The following CTNND2 variants were observed in gnomAD, a reference collection of about 807,000 sequenced individuals.
CTNND2 encodes the protein catenin delta-2.
Under a neutral mutation model 144.4 loss-of-function variants are expected in CTNND2, and 22 were observed. That is an observed-to-expected ratio of 0.15 (90% CI 0.11 to 0.22). The LOEUF is 0.22. Ranked by LOEUF, CTNND2 falls within the 10% of genes least tolerant of loss-of-function variation. The pLI, the probability that CTNND2 is intolerant of heterozygous loss-of-function variation, is 1.00. For missense variants in CTNND2, 1,353 were observed against 1,618.8 expected, an observed-to-expected ratio of 0.84 and a Z score of 2.82; for synonymous variants, 751 against 695.6, an observed-to-expected ratio of 1.08 and a Z score of -1.25.
At chr5:11,866,735 A>T (rs1261038846) in intron 1 of CTNND2, among the ~76,000 whole-genome samples, 1 of 152,250 alleles carries the variant, frequency 6.6e-6, no homozygotes, top group Non-Finnish European at 1.5e-5. Context: ...TTGTCCTAAT[A>T]ACAAACTACA....
At chr5:11,264,577 G>A (rs545211327) in intron 9 of CTNND2, among the ~76,000 whole-genome samples, 14 of 152,312 alleles carry the variant, frequency 9.2e-5, no homozygotes, top group Middle Eastern at 3.4e-3. Flanking sequence ...AGAAGCCGCC[G>A]TTGTAATCAC....
chr5:11,348,437 C>CCA (rs1755009390), intron 8 of CTNND2, among the ~76,000 whole-genome samples: 1 of 114,722 alleles, frequency 8.7e-6, no homozygotes. Flanking sequence ...AAATCAAGGG[C>CCA]AAAAAAAAAA....
At chr5:11,267,425 G>A (rs141180559) in intron 9 of CTNND2, among the ~76,000 whole-genome samples, 107 of 152,264 alleles carry the variant, frequency 7.0e-4, no homozygotes, top group African/African-American at 2.3e-3. Context: ...CCAGGGGAAA[G>A]CCATTTGAGT....
intron 2 of CTNND2, among the ~76,000 whole-genome samples, chr5:11,611,558 A>G (rs1442024108): frequency 1.3e-5 from 2 of 152,152 alleles, no homozygotes; most frequent in African/African-American, 4.8e-5. Context: ...CAGGTGGATT[A>G]CATGAGGTTA....
At chr5:11,004,784 A>AG (rs1561157308) in intron 18 of CTNND2, among the ~76,000 whole-genome samples, 1 of 151,978 alleles carries the variant, frequency 6.6e-6, no homozygotes, top group Non-Finnish European at 1.5e-5. Flanking sequence ...AAAAAAAAAA[A>AG]AAAAAAGAAA....
chr5:11,376,859 C>T (rs1757994683), intron 7 of CTNND2, among the ~76,000 whole-genome samples: 1 of 152,110 alleles, frequency 6.6e-6, no homozygotes. Context: ...CCCACCCCCT[C>T]AAGCTCAGCT....
intron 2 of CTNND2, among the ~76,000 whole-genome samples, chr5:11,667,827 T>C (rs1005924129): frequency 6.6e-6 from 1 of 152,238 alleles, no homozygotes; most frequent in Non-Finnish European, 1.5e-5. Context: ...GTTTTAGTCA[T>C]GAAGTCTTTG....
At chr5:11,847,999 G>A (rs1306877432) in intron 1 of CTNND2, among the ~76,000 whole-genome samples, 1 of 151,896 alleles carries the variant, frequency 6.6e-6, no homozygotes, top group Non-Finnish European at 1.5e-5. Flanking sequence ...GTTATTTAAT[G>A]CTTATTTTAA....
At chr5:11,265,612 G>T (rs778952887) in intron 9 of CTNND2, among the ~76,000 whole-genome samples, 3 of 150,796 alleles carry the variant, frequency 2.0e-5, no homozygotes, top group Non-Finnish European at 4.4e-5. Context: ...TTGACTGAGT[G>T]TTAAACTGTT....
intron 9 of CTNND2, among the ~76,000 whole-genome samples, chr5:11,261,943 T>C (rs1473074991): frequency 6.6e-6 from 1 of 152,198 alleles, no homozygotes; most frequent in African/African-American, 2.4e-5. Context: ...GTATCTCGTG[T>C]AGAAAGTCTA....
chr5:11,812,441 T>C (rs772335674), intron 1 of CTNND2, among the ~76,000 whole-genome samples: 8 of 152,164 alleles, frequency 5.3e-5, no homozygotes, highest in Non-Finnish European at 8.8e-5. Flanking sequence ...CATCCTCTTA[T>C]TCCAAACTCT....
chr5:11,110,995 C>T lies in CTNND2; in HGVS notation c.2326G>A (p.Ala776Thr). Residue 776 changes from alanine (A) to threonine (T), a missense_variant, in exon 14 of 22, where the codon GCG (alanine) becomes ACG (threonine). Coordinates refer to ENST00000304623, the MANE Select transcript of CTNND2 (RefSeq NM_001332.4). ...TGCTGTCCCTGAGACGTTTCTGCCG[C>T]CAGCCGGTACGAGAGGTTCCTTAAA... ...CILRNLSYRL[A>T]AETSQGQHMG... 6.2e-7 allele frequency: 1 copy of T among 1,614,096 alleles called. No individual in the cohort carries two copies. Among genetic ancestry groups the T allele is most frequent in the Non-Finnish European group, 8.5e-7 (1 of 1,180,002 alleles).
intron 2 of CTNND2, among the ~76,000 whole-genome samples, chr5:11,717,411 T>G (rs1247190799): frequency 6.6e-6 from 1 of 151,146 alleles, no homozygotes. Context: ...CCATTTCTAC[T>G]GCAAATACAA....
At chr5:10,983,966 G>C (rs953473414) in intron 20 of CTNND2, among the ~76,000 whole-genome samples, 1 of 152,000 alleles carries the variant, frequency 6.6e-6, no homozygotes, top group African/African-American at 2.4e-5. Context: ...GTTTAGCTTC[G>C]GTGAGGTTGT....
intron 3 of CTNND2, among the ~76,000 whole-genome samples, chr5:11,457,142 C>T (rs1765799852): frequency 1.3e-5 from 2 of 152,132 alleles, no homozygotes; most frequent in Admixed American, 1.3e-4. Flanking sequence ...TGGCTCACGT[C>T]TGTAATCCTT....
At chr5:11,637,149 C>T (rs1781750637) in intron 2 of CTNND2, among the ~76,000 whole-genome samples, 1 of 152,078 alleles carries the variant, frequency 6.6e-6, no homozygotes, top group South Asian at 2.1e-4. Context: ...CTTCAAAAAA[C>T]AATCATTACC....
At chr5:11,177,673 A>G (rs1560975251) in intron 11 of CTNND2, among the ~76,000 whole-genome samples, 1 of 152,206 alleles carries the variant, frequency 6.6e-6, no homozygotes, top group Non-Finnish European at 1.5e-5. Flanking sequence ...TTAGATCTAC[A>G]AAATGCTCTC....
At chr5:11,176,903 G>T (rs1166082406) in intron 11 of CTNND2, among the ~76,000 whole-genome samples, 1 of 152,128 alleles carries the variant, frequency 6.6e-6, no homozygotes, top group Non-Finnish European at 1.5e-5. Flanking sequence ...CCATCTGTTT[G>T]TCCCATCCTC....
At chr5:11,167,347 T>C (rs1203394878) in intron 11 of CTNND2, among the ~76,000 whole-genome samples, 1 of 152,212 alleles carries the variant, frequency 6.6e-6, no homozygotes, top group Admixed American at 6.5e-5. Flanking sequence ...AGAATTATTC[T>C]TGCTCATTTT....
Sources: gnomAD v4.1 joint callset for allele counts (sites outside exome capture counted in the v4.1 genomes callset) on GRCh38, gnomAD v4.1.1 for gene constraint, MANE v1.5 for transcripts, NCBI Gene and HGNC (gene_info 2026-07-23, HGNC 2026-07-21) for gene names.